MBD5: variants seen among roughly 807,000 people sequenced by gnomAD.
MBD5 encodes the protein methyl-CpG binding domain protein 5, also known as methyl-CpG-binding domain protein 5.
A neutral mutation model predicts 117.3 loss-of-function variants in MBD5; 13 were observed. The ratio of observed to expected loss-of-function variants is 0.11; its 90% CI spans 0.07 to 0.18. The LOEUF (loss-of-function observed/expected upper bound fraction) is 0.18, where lower values mean the gene tolerates loss of function less well. Among genes scored for constraint, MBD5 ranks in the 10% least tolerant of loss-of-function variants. The pLI is 1.00. For synonymous variants in MBD5, 727 were observed against 766.4 expected, an observed-to-expected ratio of 0.95 and a Z score of 0.85; for missense variants, 1,879 against 2,093.8, an observed-to-expected ratio of 0.90 and a Z score of 2.00.
At chr2:148,412,964 G>C (rs747152642) in intron 4 of MBD5, among the ~76,000 whole-genome samples, 22 of 152,070 alleles carry the variant, frequency 1.4e-4, no homozygotes, top group Admixed American at 1.2e-3. Flanking sequence ...TCTCTTGCCT[G>C]ATTGCTCTGG....
chr2:148,143,902 G>A (rs1452558465), intron 1 of MBD5, among the ~76,000 whole-genome samples: 51 of 151,946 alleles, frequency 3.4e-4, no homozygotes, highest in African/African-American at 9.9e-4. Context: ...GAATAGTGCC[G>A]CAATAAACAT....
chr2:148,054,879 C>T (rs1349486668), intron 1 of MBD5: 1 of 152,178 alleles, frequency 6.6e-6, no homozygotes, highest in Non-Finnish European at 1.5e-5. Flanking sequence ...TATATTCCCA[C>T]CATCAGAGTA....
intron 1 of MBD5, among the ~76,000 whole-genome samples, chr2:148,061,196 A>G (rs1695026106): frequency 6.6e-6 from 1 of 152,066 alleles, no homozygotes; most frequent in Non-Finnish European, 1.5e-5. Flanking sequence ...CTGTATCATA[A>G]CCCTGCTTTG....
chr2:148,367,567 C>T (rs1703737577), intron 4 of MBD5, among the ~76,000 whole-genome samples: 1 of 152,004 alleles, frequency 6.6e-6, no homozygotes, highest in Non-Finnish European at 1.5e-5. Context: ...AAAATTTTTG[C>T]AATCTATCTA....
intron 1 of MBD5, among the ~76,000 whole-genome samples, chr2:148,064,407 G>A (rs931243214): frequency 2.0e-5 from 3 of 151,376 alleles, no homozygotes; most frequent in African/African-American, 4.9e-5. Flanking sequence ...GAGCCACCGC[G>A]CCCGGCCCCC....
intron 8 of MBD5, among the ~76,000 whole-genome samples, chr2:148,482,178 A>G (rs1323124005): frequency 1.3e-5 from 2 of 152,064 alleles, no homozygotes; most frequent in Admixed American, 6.6e-5. Context: ...AAATATGTAA[A>G]CCCTTTTGTC....
intron 4 of MBD5, among the ~76,000 whole-genome samples, chr2:148,359,320 A>G (rs1033806027): frequency 5.9e-5 from 9 of 151,988 alleles, no homozygotes; most frequent in Non-Finnish European, 1.0e-4. Context: ...AGCAATAAGG[A>G]TCAAAATGCT....
At chr2:148,058,379 T>C (rs1694930583) in intron 1 of MBD5, among the ~76,000 whole-genome samples, 1 of 152,178 alleles carries the variant, frequency 6.6e-6, no homozygotes, top group Admixed American at 6.5e-5. Flanking sequence ...CAAACCTATC[T>C]CATCGCTTTA....
At chr2:148,093,556 G>C (rs1457287155) in intron 1 of MBD5, among the ~76,000 whole-genome samples, 1 of 152,000 alleles carries the variant, frequency 6.6e-6, no homozygotes, top group Non-Finnish European at 1.5e-5. Context: ...TATTATACTG[G>C]GTATAGAAGA....
At chr2:148,458,044 G>C (rs952373315) in intron 4 of MBD5, among the ~76,000 whole-genome samples, 159 bp from the exon 5 acceptor site, 1 of 152,154 alleles carries the variant, frequency 6.6e-6, no homozygotes, top group African/African-American at 2.4e-5. Flanking sequence ...AGTGGACTAA[G>C]TTGGAAGAAG....
At chr2:148,364,987 C>CTTAG (rs1703654921) in intron 4 of MBD5, among the ~76,000 whole-genome samples, 1 of 152,162 alleles carries the variant, frequency 6.6e-6, no homozygotes, top group Non-Finnish European at 1.5e-5. Flanking sequence ...ACCAAGCAGA[C>CTTAG]CTAATAGACA....
chr2:148,074,078 A>G (rs1315608271), intron 1 of MBD5, among the ~76,000 whole-genome samples: 1 of 151,938 alleles, frequency 6.6e-6, no homozygotes, highest in African/African-American at 2.4e-5. Context: ...AAACTTTTGT[A>G]TTTTGTAAAC....
At chr2:148,454,283 A>G (rs1159219384) in intron 4 of MBD5, among the ~76,000 whole-genome samples, 1 of 152,168 alleles carries the variant, frequency 6.6e-6, no homozygotes, top group Non-Finnish European at 1.5e-5. Context: ...ATATCTGTAG[A>G]GTTGAAAATG....
chr2:148,289,447 G>A (rs1394511602), intron 3 of MBD5, among the ~76,000 whole-genome samples: 2 of 152,062 alleles, frequency 1.3e-5, no homozygotes, highest in Non-Finnish European at 2.9e-5. Context: ...ACTGTGGGTA[G>A]GTATAATTAG....
intron 1 of MBD5, among the ~76,000 whole-genome samples, chr2:148,158,772 T>G (rs942011473): frequency 6.6e-6 from 1 of 152,250 alleles, no homozygotes; most frequent in African/African-American, 2.4e-5. Context: ...CAGGCTGGAG[T>G]GCAGTGGCGC....
intron 1 of MBD5, among the ~76,000 whole-genome samples, chr2:148,174,820 C>T (rs527760755): frequency 2.0e-4 from 30 of 151,412 alleles, no homozygotes; most frequent in South Asian, 1.5e-3. Context: ...ATGTTGATGA[C>T]GATGTAAAGA....
chr2:148,102,705 CACACACACACACACACACACACACAG>C (rs1696253843), intron 1 of MBD5, among the ~76,000 whole-genome samples: 3 of 21,358 alleles, frequency 1.4e-4, no homozygotes, highest in Admixed American at 7.9e-4. Flanking sequence ...AGAGATCACA[CACACACACACACACACACACACACAG>C]AGAGAGAGAG....
rs560640348 is a variant in MBD5 at position 148,310,254 on chromosome 2, G to A, written c.-679-31960G>A. ...CCTTTTTGTACCTTTGGTAGAATTC[G>A]GCTGTGAATCCATCTGTTCCTGGGG... On this transcript the variant is annotated intron_variant, in intron 3 of 13. Coordinates refer to ENST00000642680, the MANE Select transcript of MBD5 (RefSeq NM_001378120.1). 3.3e-4 allele frequency among the ~76,000 whole-genome samples: 50 copies of A among 152,082 alleles called. 1 individual carries two copies. The highest frequency in any genetic ancestry group is 1.0e-3 in the South Asian group (5 of 4,812).
chr2:148,161,095 G>A (rs1480618611), intron 1 of MBD5, among the ~76,000 whole-genome samples: 1 of 152,112 alleles, frequency 6.6e-6, no homozygotes, highest in Admixed American at 6.6e-5. Flanking sequence ...TCCTGGTACC[G>A]ATATATAGTT....
Sources: allele counts gnomAD v4.1 joint callset (sites outside exome capture counted in the v4.1 genomes callset), GRCh38; gene constraint gnomAD v4.1.1; transcripts MANE v1.5; gene names NCBI Gene and HGNC (gene_info 2026-07-23, HGNC 2026-07-21).